ASTN2: variants seen among roughly 807,000 people sequenced by gnomAD.
ASTN2 encodes astrotactin 2, also known as astrotactin-2.
Under a neutral mutation model 139.8 loss-of-function variants are expected in ASTN2, and 54 were observed. The observed-to-expected ratio is 0.39, with a 90% CI of 0.31 to 0.48. The LOEUF (loss-of-function observed/expected upper bound fraction) is 0.48. Among genes scored for constraint, ASTN2 ranks in the 20% least tolerant of loss-of-function variants. ASTN2 has a pLI of 0.95. For missense variants in ASTN2, 1,565 were observed against 1,725.1 expected, an observed-to-expected ratio of 0.91 and a Z score of 1.64; for synonymous variants, 756 against 719.5, an observed-to-expected ratio of 1.05 and a Z score of -0.81.
chr9:116,649,151 G>A (rs1297851654), intron 17 of ASTN2, among the ~76,000 whole-genome samples: 1 of 152,122 alleles, frequency 6.6e-6, no homozygotes, highest in African/African-American at 2.4e-5. Flanking sequence ...TGTCTCCTAT[G>A]TTCATCACTT....
intron 1 of ASTN2, among the ~76,000 whole-genome samples, chr9:117,324,868 C>T (rs1462278519): frequency 6.6e-6 from 1 of 152,028 alleles, no homozygotes; most frequent in Non-Finnish European, 1.5e-5. Flanking sequence ...GGATGAGATA[C>T]CTTGGATAGC....
intron 20 of ASTN2, among the ~76,000 whole-genome samples, chr9:116,486,578 G>T (rs756755252): frequency 6.6e-6 from 1 of 152,134 alleles, no homozygotes; most frequent in African/African-American, 2.4e-5. Context: ...GCTCAACTTC[G>T]TAACAACTTC....
At chr9:116,669,091 C>A (rs905753470) in intron 16 of ASTN2, among the ~76,000 whole-genome samples, 1 of 152,172 alleles carries the variant, frequency 6.6e-6, no homozygotes, top group African/African-American at 2.4e-5. Flanking sequence ...CAGGCGGAAG[C>A]TATTTTCCAT....
At chr9:117,232,288 G>A (rs1317215235) in intron 2 of ASTN2, among the ~76,000 whole-genome samples, 1 of 152,116 alleles carries the variant, frequency 6.6e-6, no homozygotes, top group Non-Finnish European at 1.5e-5. Flanking sequence ...TTATACCCCA[G>A]GTTTTGATCA....
rs1554720155 is a variant in ASTN2 at position 116,609,328 on chromosome 9, C to CTATATA, written c.3355+8990_3355+8995dup. Reference sequence around the variant, plus strand: ...TCTCTCTCTCTCTCTCTCTCTCTCTCTATATATATATACACACACACACAT... The same window carrying CTATATA: ...TCTCTCTCTCTCTCTCTCTCTCTCTCTATATATATATATATATACACACACACACAT... On this transcript the variant is annotated intron_variant, in intron 19 of 22. Coordinates refer to ENST00000313400, the MANE Select transcript of ASTN2 (RefSeq NM_001365068.1). Among the ~76,000 whole-genome samples, 330 of 122,500 alleles carry CTATATA rather than the reference C, an allele frequency of 2.7e-3. 3 individuals carry two copies. Among genetic ancestry groups the CTATATA allele is most frequent in the African/African-American group, 7.9e-3 (250 of 31,562 alleles). The allele number at this position is 122,500 out of a possible 152,430, so 80.4% of individuals were successfully genotyped here. A position where few individuals can be genotyped will look rare whatever the true frequency, so the allele number is the denominator to read the frequency against.
intron 17 of ASTN2, among the ~76,000 whole-genome samples, chr9:116,650,948 C>T (rs1857874593): frequency 6.7e-6 from 1 of 149,016 alleles, no homozygotes; most frequent in East Asian, 1.9e-4. Context: ...CCAAGTCTCA[C>T]TCTGTTACCC....
At chr9:117,039,689 T>C (rs558331133) in intron 6 of ASTN2, 130 bp downstream of exon 6, 2 of 949,654 alleles carry the variant, frequency 2.1e-6, no homozygotes, top group South Asian at 7.3e-5. Flanking sequence ...GGTCTTTAGA[T>C]GCTCCTTTTT....
intron 5 of ASTN2, among the ~76,000 whole-genome samples, chr9:117,056,530 T>C (rs1839069929): frequency 6.6e-6 from 1 of 152,086 alleles, no homozygotes; most frequent in African/African-American, 2.4e-5. Context: ...AATTACACTG[T>C]GTCAGGATAC....
chr9:116,486,338 A>C (rs1849338029), intron 20 of ASTN2, among the ~76,000 whole-genome samples: 1 of 152,258 alleles, frequency 6.6e-6, no homozygotes, highest in African/African-American at 2.4e-5. Context: ...TATGTGAATG[A>C]AGTAATTGAT....
At chr9:116,665,963 C>G (rs1309377240) in intron 16 of ASTN2, among the ~76,000 whole-genome samples, 1 of 152,116 alleles carries the variant, frequency 6.6e-6, no homozygotes, top group African/African-American at 2.4e-5. Context: ...AATGAAGTAT[C>G]AGCCATGCTT....
Position 117,414,125 on chromosome 9 carries a change from G to C in ASTN2, c.442+372C>G, listed in dbSNP as rs1831253808. Among the ~76,000 whole-genome samples the C allele has an allele frequency of 6.6e-6, 1 of 152,146 alleles. No individual in the cohort carries two copies. Among genetic ancestry groups the C allele is most frequent in the African/African-American group, 2.4e-5 (1 of 41,456 alleles). On this transcript the variant is annotated intron_variant, in intron 1 of 22. Coordinates refer to ENST00000313400, the MANE Select transcript of ASTN2 (RefSeq NM_001365068.1). This position sits in a 1 kb window ranked among gnomAD's most constrained non-coding sequence, Gnocchi z 4.2. ...GCCAGTGACGGTACCCGGAGAAGTG[G>C]GAGGCTCGACCTGAAACTGGCTTAG...
At chr9:116,686,807 G>C (rs1489728218) in intron 16 of ASTN2, 3 of 1,550,644 alleles carry the variant, frequency 1.9e-6, no homozygotes, top group South Asian at 2.4e-5. Flanking sequence ...TGTGTTCATG[G>C]ATAAACTTGT....
chr9:117,323,822 T>C (rs1257814778), intron 1 of ASTN2, among the ~76,000 whole-genome samples: 1 of 152,180 alleles, frequency 6.6e-6, no homozygotes, highest in Non-Finnish European at 1.5e-5. Flanking sequence ...AGGCAGTTAT[T>C]ATGACACACA....
intron 2 of ASTN2, among the ~76,000 whole-genome samples, chr9:117,224,824 G>A (rs1457621785): frequency 6.6e-6 from 1 of 152,110 alleles, no homozygotes; most frequent in Admixed American, 6.5e-5. Context: ...TGGGTCATGA[G>A]TTCTCTGAAA....
intron 22 of ASTN2, among the ~76,000 whole-genome samples, chr9:116,426,749 A>AAT (rs34817399): frequency 8.0e-5 from 12 of 150,708 alleles, no homozygotes; most frequent in East Asian, 5.8e-4. Context: ...CCTTTCATCA[A>AAT]ATATATATAT....
At chr9:117,245,450 G>A (rs1833352338) in intron 2 of ASTN2, among the ~76,000 whole-genome samples, 1 of 152,174 alleles carries the variant, frequency 6.6e-6, no homozygotes, top group Non-Finnish European at 1.5e-5. Context: ...CAGGGCTGCT[G>A]GAGTCTCAGC....
chr9:116,955,766 A>G (rs182940762), intron 10 of ASTN2, among the ~76,000 whole-genome samples: 8 of 152,340 alleles, frequency 5.3e-5, no homozygotes, highest in African/African-American at 1.9e-4. Flanking sequence ...CCAGTGTTAA[A>G]AACCTCATTG....
At chr9:116,718,335 G>T (rs557507923) in intron 16 of ASTN2, among the ~76,000 whole-genome samples, 5 of 152,336 alleles carry the variant, frequency 3.3e-5, no homozygotes, top group African/African-American at 1.2e-4. Context: ...GGCTGAAGAG[G>T]TTGGCTGAGG....
intron 3 of ASTN2, among the ~76,000 whole-genome samples, chr9:117,174,131 A>C (rs773839714): frequency 1.5e-4 from 16 of 105,306 alleles, no homozygotes; most frequent in Non-Finnish European, 6.8e-5. Flanking sequence ...AACTAGATAG[A>C]TAGATAGATA....
Sources: gnomAD v4.1 joint callset for allele counts (sites outside exome capture counted in the v4.1 genomes callset) on GRCh38, gnomAD v4.1.1 for gene constraint, Gnocchi (gnomAD v3.1) non-coding constraint, MANE v1.5 for transcripts, NCBI Gene and HGNC (gene_info 2026-07-23, HGNC 2026-07-21) for gene names.